The following RBFOX1 variants were observed in gnomAD, a reference collection of about 807,000 sequenced individuals.
RBFOX1 encodes RNA binding protein fox-1 homolog 1.
RBFOX1 carries 8 observed loss-of-function variants against 57.7 expected under a neutral mutation model. The ratio of observed to expected loss-of-function variants is 0.14; its 90% CI spans 0.08 to 0.25. The LOEUF (loss-of-function observed/expected upper bound fraction) is 0.25. RBFOX1 is among the 10% of genes least tolerant of loss of function. The probability of loss-of-function intolerance (pLI) is 1.00; values close to 1 mark genes in which losing one functional copy is unlikely to be tolerated. For missense variants in RBFOX1, 611 were observed against 548.5 expected (o/e 1.11, Z -1.14); for synonymous variants, 326 against 222.4 (o/e 1.47, Z -4.15).
chr16:7,641,208 A>G (rs575592916), intron 11 of RBFOX1, among the ~76,000 whole-genome samples: 2 of 152,304 alleles, frequency 1.3e-5, no homozygotes, highest in Admixed American at 6.5e-5. Context: ...GTGTCCAACC[A>G]TAGAGGTGGC....
chr16:5,638,011 T>C (rs2048739946), intron 3 of RBFOX1, among the ~76,000 whole-genome samples: 1 of 152,234 alleles, frequency 6.6e-6, no homozygotes, highest in African/African-American at 2.4e-5. Context: ...TTCTTTCCTT[T>C]GGATAAAATG....
intron 1 of RBFOX1, among the ~76,000 whole-genome samples, chr16:6,259,452 A>C (rs1336931746): frequency 6.6e-6 from 1 of 152,102 alleles, no homozygotes; most frequent in Non-Finnish European, 1.5e-5. Context: ...CTCTGTGTCC[A>C]CTTTCTTCTT....
chr16:6,961,145 C>CACTCACACACACACACA (rs142889433), intron 3 of RBFOX1, among the ~76,000 whole-genome samples: 1 of 143,658 alleles, frequency 7.0e-6, no homozygotes, highest in Non-Finnish European at 1.5e-5. Flanking sequence ...TCACACACAC[C>CACTCACACACACACACA]CACACAGACA....
intron 4 of RBFOX1, among the ~76,000 whole-genome samples, chr16:7,473,246 C>T (rs939901939): frequency 2.6e-5 from 4 of 151,914 alleles, no homozygotes; most frequent in South Asian, 4.2e-4. Flanking sequence ...GGCATGGTGG[C>T]GGGTGCCTGT....
At chr16:7,670,983 C>G (rs949079472) in intron 13 of RBFOX1, among the ~76,000 whole-genome samples, 1 of 152,204 alleles carries the variant, frequency 6.6e-6, no homozygotes, top group Non-Finnish European at 1.5e-5. Context: ...CGCACACACA[C>G]TCATATATAC....
intron 4 of RBFOX1, among the ~76,000 whole-genome samples, chr16:5,926,303 A>G (rs536567672): frequency 6.6e-6 from 1 of 152,250 alleles, no homozygotes; most frequent in East Asian, 1.9e-4. Context: ...TGGAAATCCT[A>G]TGTGTAAAAT....
intron 1 of RBFOX1, among the ~76,000 whole-genome samples, chr16:5,277,827 A>G (rs897877126): frequency 6.6e-6 from 1 of 152,130 alleles, no homozygotes; most frequent in African/African-American, 2.4e-5. Context: ...AAATGACAGG[A>G]TTTCATTCTT....
At chr16:5,604,895 G>T (rs567759872), downstream of RBFOX1, among the ~76,000 whole-genome samples, 1 of 152,090 alleles carries the variant, frequency 6.6e-6, no homozygotes, top group Non-Finnish European at 1.5e-5. Context: ...TCTGTAGGAC[G>T]TCCCCTGCTG....
intron 1 of RBFOX1, among the ~76,000 whole-genome samples, chr16:5,248,680 C>T (rs1567233043): frequency 6.6e-6 from 1 of 151,998 alleles, no homozygotes; most frequent in Non-Finnish European, 1.5e-5. Flanking sequence ...GGGGAGACTG[C>T]AAAGAGATGG....
At chr16:7,052,692 A>G (rs1233069206) in intron 4 of RBFOX1, among the ~76,000 whole-genome samples, 1 of 152,194 alleles carries the variant, frequency 6.6e-6, no homozygotes, top group South Asian at 2.1e-4. Context: ...CTAGATGTGC[A>G]GGGAGTGTTT....
At chr16:5,746,248 T>C (rs1379598072) in intron 3 of RBFOX1, among the ~76,000 whole-genome samples, 1 of 152,232 alleles carries the variant, frequency 6.6e-6, no homozygotes, top group Non-Finnish European at 1.5e-5. Flanking sequence ...CAGATGGTTG[T>C]AGATGTGTGG....
chr16:6,980,965 C>T (rs894255850), intron 3 of RBFOX1, among the ~76,000 whole-genome samples: 1 of 138,780 alleles, frequency 7.2e-6, no homozygotes. Flanking sequence ...ATCCCTTGAA[C>T]CTGGGAAGTG....
intron 3 of RBFOX1, among the ~76,000 whole-genome samples, chr16:6,889,507 G>A (rs1218799416): frequency 1.3e-5 from 2 of 152,194 alleles, no homozygotes; most frequent in Non-Finnish European, 2.9e-5. Flanking sequence ...TTTGAGCTGT[G>A]TGTTGGGTTC....
At chr16:6,887,315 G>A (rs570052437) in intron 3 of RBFOX1, among the ~76,000 whole-genome samples, 2 of 152,268 alleles carry the variant, frequency 1.3e-5, no homozygotes, top group African/African-American at 2.4e-5. Context: ...GGGCTTTGAT[G>A]GTGGGACAGG....
chr16:7,554,992 T>G (rs1055997434), intron 5 of RBFOX1, among the ~76,000 whole-genome samples: 12 of 152,310 alleles, frequency 7.9e-5, no homozygotes, highest in Non-Finnish European at 1.5e-4. Context: ...ATTTAGCATT[T>G]AGGTAGTATT....
intron 4 of RBFOX1, among the ~76,000 whole-genome samples, chr16:7,321,071 C>CTATATG (rs1306024790): frequency 6.9e-5 from 5 of 72,846 alleles, no homozygotes; most frequent in African/African-American, 1.6e-4. Context: ...ATCTGTCTAT[C>CTATATG]TATACGTATA....
At chr16:7,633,258 A>C (rs1245860872) in intron 11 of RBFOX1, among the ~76,000 whole-genome samples, 5 of 152,176 alleles carry the variant, frequency 3.3e-5, no homozygotes, top group African/African-American at 1.2e-4. Flanking sequence ...TAGTATTAAA[A>C]ATACAAAGTG....
At chr16:6,593,239 C>A (rs990146947) in intron 2 of RBFOX1, among the ~76,000 whole-genome samples, 2 of 152,048 alleles carry the variant, frequency 1.3e-5, no homozygotes, top group Non-Finnish European at 2.9e-5. Flanking sequence ...CTTCCACGTA[C>A]CCATCTCTCT....
intron 2 of RBFOX1, among the ~76,000 whole-genome samples, chr16:6,647,229 A>T (rs1486149183): frequency 2.0e-5 from 3 of 152,024 alleles, no homozygotes; most frequent in Non-Finnish European, 4.4e-5. Flanking sequence ...TCTTAAAAGG[A>T]TACTAATTCT....
Sources: allele counts gnomAD v4.1 joint callset (sites outside exome capture counted in the v4.1 genomes callset), GRCh38; gene constraint gnomAD v4.1.1; transcripts MANE v1.5; gene names NCBI Gene and HGNC (gene_info 2026-07-23, HGNC 2026-07-21).